The following GPR158 variants were observed in gnomAD, a reference collection of about 807,000 sequenced individuals.
GPR158 encodes the protein G protein-coupled receptor 158, also known as metabotropic glycine receptor.
A neutral mutation model predicts 78.2 loss-of-function variants in GPR158; 30 were observed. The observed-to-expected ratio is 0.38, with a 90% CI of 0.29 to 0.52. GPR158 has a LOEUF of 0.52. Among genes scored for constraint, GPR158 ranks in the 20% least tolerant of loss-of-function variants. The pLI, the probability that GPR158 is intolerant of heterozygous loss-of-function variation, is 0.83. For missense variants in GPR158, 1,463 were observed against 1,523.5 expected (o/e 0.96, Z 0.66); for synonymous variants, 581 against 591.1 (o/e 0.98, Z 0.25).
chr10:25,425,316 C>T (rs1473956089), intron 4 of GPR158, among the ~76,000 whole-genome samples: 1 of 152,018 alleles, frequency 6.6e-6, no homozygotes, highest in African/African-American at 2.4e-5. Flanking sequence ...TAAAAGTGTT[C>T]TCTTTTCAGC....
At chr10:25,494,559 T>C (rs952527872) in intron 5 of GPR158, among the ~76,000 whole-genome samples, 6 of 152,202 alleles carry the variant, frequency 3.9e-5, no homozygotes, top group African/African-American at 1.4e-4. Context: ...GCGTAAGTAT[T>C]CAGCAACATT....
intron 5 of GPR158, among the ~76,000 whole-genome samples, chr10:25,484,182 C>A (rs1304622070): frequency 6.6e-6 from 1 of 152,174 alleles, no homozygotes; most frequent in Non-Finnish European, 1.5e-5. Context: ...TCTGTTTGCT[C>A]TTCCTTGAAC....
Position 25,176,377 on chromosome 10 carries a change from C to T in GPR158, c.902+55C>T. ...GCAAAAGCGAAGCTTTCCTTCCGGT[C>T]TTGTGGGTGGGTGCACGTGTGAGGA... On this transcript the variant is annotated intron_variant, in intron 1 of 10. Coordinates refer to ENST00000376351, the MANE Select transcript of GPR158 (RefSeq NM_020752.3). The surrounding 1 kb of genome is among the most constrained non-coding windows in gnomAD (Gnocchi z 6.3). 1 of 1,352,210 alleles carries T rather than the reference C, an allele frequency of 7.4e-7. No homozygotes were observed. Among genetic ancestry groups the T allele is most frequent in the South Asian group, 1.4e-5 (1 of 70,886 alleles). 83.8% of individuals were successfully genotyped at this position (1,352,210 alleles called of 1,614,324 possible). A position where few individuals can be genotyped will look rare whatever the true frequency, so the allele number is the denominator to read the frequency against.
At chr10:25,190,051 T>C (rs1205086637) in intron 1 of GPR158, among the ~76,000 whole-genome samples, 1 of 152,148 alleles carries the variant, frequency 6.6e-6, no homozygotes, top group East Asian at 1.9e-4. Context: ...AGCAGTTTTA[T>C]AGTTCTGATG....
chr10:25,394,986 T>C (rs1834348176), intron 2 of GPR158, among the ~76,000 whole-genome samples: 1 of 152,188 alleles, frequency 6.6e-6, no homozygotes, highest in African/African-American at 2.4e-5. Flanking sequence ...AGGCAATGTG[T>C]TGGAATCATG....
At chr10:25,432,775 C>A (rs1182389480) in intron 4 of GPR158, among the ~76,000 whole-genome samples, 1 of 152,050 alleles carries the variant, frequency 6.6e-6, no homozygotes, top group Non-Finnish European at 1.5e-5. Context: ...TCCATTCATT[C>A]TTTTGATTCA....
At chr10:25,307,277 C>T (rs1404243125) in intron 2 of GPR158, among the ~76,000 whole-genome samples, 5 of 150,578 alleles carry the variant, frequency 3.3e-5, no homozygotes, top group Middle Eastern at 3.5e-3. Flanking sequence ...TACTTCATCA[C>T]GTGGTTTTTC....
intron 4 of GPR158, among the ~76,000 whole-genome samples, chr10:25,413,615 C>T (rs1834622008): frequency 6.6e-6 from 1 of 152,042 alleles, no homozygotes; most frequent in Non-Finnish European, 1.5e-5. Flanking sequence ...GATTACAGAG[C>T]TCATTGAAGG....
intron 10 of GPR158, 132 bp downstream of exon 10, chr10:25,596,921 A>C: frequency 2.7e-6 from 2 of 729,908 alleles, no homozygotes; most frequent in Non-Finnish European, 4.6e-6. Context: ...AGAAAGAGGG[A>C]ATGTGTTTGG....
At chr10:25,477,713 A>G (rs1835608181) in intron 5 of GPR158, among the ~76,000 whole-genome samples, 1 of 152,190 alleles carries the variant, frequency 6.6e-6, no homozygotes, top group African/African-American at 2.4e-5. Flanking sequence ...ATACTTATGA[A>G]CATAACATTA....
intron 1 of GPR158, among the ~76,000 whole-genome samples, chr10:25,183,531 G>C (rs143312120): frequency 6.6e-6 from 1 of 151,988 alleles, no homozygotes; most frequent in East Asian, 1.9e-4. Context: ...TTTGTACAAG[G>C]TGGCAGCTTC....
chr10:25,340,470 A>G (rs140035807), intron 2 of GPR158, among the ~76,000 whole-genome samples: 308 of 152,218 alleles, frequency 2.0e-3, no homozygotes, highest in Non-Finnish European at 3.5e-3. Context: ...TTAAATAACT[A>G]TGTCTAGTAT....
intron 5 of GPR158, among the ~76,000 whole-genome samples, chr10:25,544,535 T>C (rs930711246): frequency 6.6e-6 from 1 of 152,154 alleles, no homozygotes; most frequent in African/African-American, 2.4e-5. Context: ...GTAGCTATTA[T>C]TGTTATTGGT....
At chr10:25,399,723 C>A (rs995521210) in intron 3 of GPR158, among the ~76,000 whole-genome samples, 1 of 152,164 alleles carries the variant, frequency 6.6e-6, no homozygotes, top group African/African-American at 2.4e-5. Flanking sequence ...GGAATATGAG[C>A]TCTGTAACTC....
At position 25,472,080 on chromosome 10, in the gene GPR158, G is replaced by C. The variant is rs545629808; in HGVS notation, c.1404+5361G>C. On this transcript the variant is annotated intron_variant, in intron 5 of 10. Coordinates refer to ENST00000376351, the MANE Select transcript of GPR158 (RefSeq NM_020752.3). ...GGTATTGCCTAGGTTTTCTTCTAGG[G>C]TTTTTATGGTTTTAGGTCTAACATT... Among the ~76,000 whole-genome samples, 11 of 152,012 alleles carry C rather than the reference G, an allele frequency of 7.2e-5. No individual in the cohort carries two copies. In the South Asian group the frequency reaches 1.2e-3, roughly 17 times the overall value.
chr10:25,227,275 G>A (rs969402528), intron 2 of GPR158, among the ~76,000 whole-genome samples: 1 of 152,150 alleles, frequency 6.6e-6, no homozygotes, highest in South Asian at 2.1e-4. Flanking sequence ...AGTGGCTATC[G>A]CCATCTTGTG....
Position 25,541,599 on chromosome 10 carries a change from C to A in GPR158, c.1405-9377C>A, listed in dbSNP as rs1387476803. Among the ~76,000 whole-genome samples, 268 of 135,634 alleles carry A rather than the reference C, an allele frequency of 2.0e-3. 2 individuals carry two copies. The highest frequency in any genetic ancestry group is 5.0e-3 in the African/African-American group (179 of 35,964). The allele number at this position is 135,634 out of a possible 152,430, so 89.0% of individuals were successfully genotyped here. A position where few individuals can be genotyped will look rare whatever the true frequency, so the allele number is the denominator to read the frequency against. On this transcript the variant is annotated intron_variant, in intron 5 of 10. Coordinates refer to ENST00000376351, the MANE Select transcript of GPR158 (RefSeq NM_020752.3). The stretch of plus-strand genomic sequence containing the variant: ...ATGGTGTAAAGTAGAAATTCAGTTT[C>A]AAAAAAAAAAAAAATTTTAGAACAC...
intron 2 of GPR158, among the ~76,000 whole-genome samples, chr10:25,358,742 T>G (rs1186190326): frequency 1.3e-5 from 2 of 152,114 alleles, no homozygotes; most frequent in African/African-American, 4.8e-5. Context: ...ACAAGTATGT[T>G]GTTTATTTCC....
Position 25,249,219 on chromosome 10 carries a change from A to G in GPR158, c.1008+28062A>G, listed in dbSNP as rs902418870. On this transcript the variant is annotated intron_variant, in intron 2 of 10. Transcript: ENST00000376351. ...GCTTAAGGAGATTTTGGGCTGAGAC[A>G]ATGGGGTTTTCTAGATATACAATCA... is the stretch of plus-strand genomic sequence containing the variant. Among the ~76,000 whole-genome samples, 202 of 152,166 alleles carry G rather than the reference A, an allele frequency of 1.3e-3. 1 individual carries two copies. The highest frequency in any genetic ancestry group is 6.8e-3 in the Middle Eastern group (2 of 292).
Sources: gnomAD v4.1 joint callset for allele counts (sites outside exome capture counted in the v4.1 genomes callset) on GRCh38, gnomAD v4.1.1 for gene constraint, Gnocchi (gnomAD v3.1) non-coding constraint, MANE v1.5 for transcripts, NCBI Gene and HGNC (gene_info 2026-07-23, HGNC 2026-07-21) for gene names.